CCDC192: variants seen among roughly 807,000 people sequenced by gnomAD.
CCDC192 encodes the protein coiled-coil domain containing 192.
At position 127,840,039 on chromosome 5, in the gene CCDC192, T is replaced by G. The variant is rs115754467; in HGVS notation, c.412-35499T>G. Among the ~76,000 whole-genome samples, 274 of 152,298 alleles carry G rather than the reference T, an allele frequency of 1.8e-3. 1 individual carries two copies. The highest frequency in any genetic ancestry group is 6.4e-3 in the African/African-American group (265 of 41,570). Reference sequence around the variant, plus strand: ...ACACTTAACAAATGTGAGCCATTATTGCAGACTCACTTAGGATGGCTAGCA... The same window carrying G: ...ACACTTAACAAATGTGAGCCATTATGGCAGACTCACTTAGGATGGCTAGCA... On this transcript the variant is annotated intron_variant, in intron 5 of 6. Coordinates refer to ENST00000514853, the MANE Select transcript of CCDC192 (RefSeq NM_001317938.2).
intron 5 of CCDC192, among the ~76,000 whole-genome samples, chr5:127,811,891 C>T (rs886648949): frequency 1.3e-5 from 2 of 152,172 alleles, no homozygotes; most frequent in Non-Finnish European, 2.9e-5. Flanking sequence ...ACACACTGCT[C>T]CCTGCCCCAG....
chr5:127,843,329 C>T (rs1350937594), intron 5 of CCDC192, among the ~76,000 whole-genome samples: 1 of 151,958 alleles, frequency 6.6e-6, no homozygotes, highest in Admixed American at 6.6e-5. Context: ...TGAGCCATCG[C>T]AGCCAGCCAA....
intron 3 of CCDC192, among the ~76,000 whole-genome samples, chr5:127,789,414 A>C (rs1252287387): frequency 6.6e-6 from 1 of 152,360 alleles, no homozygotes; most frequent in African/African-American, 2.4e-5. Flanking sequence ...AAAGAGGAAC[A>C]TGTCATTGGA....
chr5:127,853,022 G>T (rs552665167), intron 5 of CCDC192, among the ~76,000 whole-genome samples: 1 of 152,038 alleles, frequency 6.6e-6, no homozygotes, highest in Non-Finnish European at 1.5e-5. Flanking sequence ...CCCAGGAGGC[G>T]GAGCTTGCAG....
chr5:127,935,552 C>T (rs1463187347), intron 6 of CCDC192: 1 of 152,162 alleles, frequency 6.6e-6, no homozygotes, highest in Non-Finnish European at 1.5e-5. Context: ...ATCTTGGACT[C>T]GTGAAGCAAT....
chr5:127,710,250 A>C (rs908599221), intron 2 of CCDC192, among the ~76,000 whole-genome samples: 1 of 152,176 alleles, frequency 6.6e-6, no homozygotes. Context: ...AGTCTCTTTT[A>C]AGTCATGGAA....
At chr5:127,810,710 G>A (rs182366749) in intron 5 of CCDC192, among the ~76,000 whole-genome samples, 3 of 152,256 alleles carry the variant, frequency 2.0e-5, no homozygotes, top group East Asian at 1.9e-4. Flanking sequence ...AATAATAAAT[G>A]TCCTCACTAA....
At chr5:127,867,870 A>C (rs912785706) in intron 5 of CCDC192, among the ~76,000 whole-genome samples, 1 of 152,208 alleles carries the variant, frequency 6.6e-6, no homozygotes, top group Non-Finnish European at 1.5e-5. Flanking sequence ...CTGGGTAAAA[A>C]GATTTGGCAG....
chr5:127,839,455 G>A (rs1561516617), intron 5 of CCDC192, among the ~76,000 whole-genome samples: 1 of 152,110 alleles, frequency 6.6e-6, no homozygotes. Flanking sequence ...CAAAATGTTA[G>A]CAATAGTAAT....
intron 6 of CCDC192, among the ~76,000 whole-genome samples, chr5:127,887,566 C>G (rs899138722): frequency 6.6e-6 from 1 of 152,092 alleles, no homozygotes; most frequent in South Asian, 2.1e-4. Flanking sequence ...CTTTGGATGA[C>G]TGCCAAAACC....
At chr5:127,786,820 T>C in intron 3 of CCDC192, 2 of 547,096 alleles carry the variant, frequency 3.7e-6, no homozygotes, top group Non-Finnish European at 6.9e-6. Context: ...CCTTCAGGTG[T>C]CTGCCCCTTT....
At chr5:127,707,865 T>C (rs1751062123) in intron 2 of CCDC192, 105 bp downstream of exon 2, 2 of 382,698 alleles carry the variant, frequency 5.2e-6, no homozygotes, top group South Asian at 2.9e-4. Flanking sequence ...TTGTTTAGTT[T>C]TCACATTTTA....
intron 2 of CCDC192, among the ~76,000 whole-genome samples, chr5:127,741,765 C>T (rs1380083789): frequency 6.6e-6 from 1 of 152,150 alleles, no homozygotes; most frequent in Non-Finnish European, 1.5e-5. Context: ...GGTCCTTTTT[C>T]TCCTCTGATG....
At chr5:127,746,612 CT>C (rs5871272) in intron 2 of CCDC192, among the ~76,000 whole-genome samples, 49,811 of 143,490 alleles carry the variant, frequency 0.35, 8,583 homozygotes, top group East Asian at 0.63. Context: ...TGTTTAAAGC[CT>C]TTTTTTTTTT....
At chr5:127,920,477 C>T (rs369095031) in intron 6 of CCDC192, among the ~76,000 whole-genome samples, 1 of 144,232 alleles carries the variant, frequency 6.9e-6, no homozygotes, top group East Asian at 2.1e-4. Flanking sequence ...GGTGCAATCT[C>T]GAGTCACTGC....
chr5:127,713,222 G>A (rs1375837742), intron 2 of CCDC192, among the ~76,000 whole-genome samples: 10 of 149,756 alleles, frequency 6.7e-5, no homozygotes, highest in South Asian at 4.2e-4. Flanking sequence ...CAACAACAGC[G>A]AAACTCTATC....
chr5:127,897,652 G>C (rs1209519383), intron 6 of CCDC192, among the ~76,000 whole-genome samples: 1 of 152,050 alleles, frequency 6.6e-6, no homozygotes, highest in Non-Finnish European at 1.5e-5. Flanking sequence ...ATCGTATTTT[G>C]GGTTTTTCTT....
chr5:127,784,649 C>G (rs1756433038), intron 3 of CCDC192: 1 of 723,410 alleles, frequency 1.4e-6, no homozygotes, highest in Non-Finnish European at 2.4e-6. Flanking sequence ...TTTTCACCAT[C>G]AACTTGCTCC....
intron 5 of CCDC192, among the ~76,000 whole-genome samples, chr5:127,830,584 C>A (rs925994962): frequency 6.6e-6 from 1 of 152,066 alleles, no homozygotes; most frequent in African/African-American, 2.4e-5. Context: ...CTAAAGATCT[C>A]ATTTTAACTT....
Sources: allele counts gnomAD v4.1 joint callset (sites outside exome capture counted in the v4.1 genomes callset), GRCh38; gene constraint gnomAD v4.1.1; transcripts MANE v1.5; gene names NCBI Gene and HGNC (gene_info 2026-07-23, HGNC 2026-07-21).